Variants in NBEA observed in about 807,000 individuals in gnomAD.
The protein encoded by NBEA is lysosomal-trafficking regulator 2.
In NBEA, 44 loss-of-function variants were observed where a neutral mutation model predicts 343.4. The ratio of observed to expected loss-of-function variants is 0.13; its 90% CI spans 0.10 to 0.16. The LOEUF (loss-of-function observed/expected upper bound fraction) is 0.16, where lower values mean the gene tolerates loss of function less well. Among genes scored for constraint, NBEA ranks in the 10% least tolerant of loss-of-function variants. The pLI, the probability that NBEA is intolerant of heterozygous loss-of-function variation, is 1.00. For synonymous variants in NBEA, 1,175 were observed against 1,238.7 expected (o/e 0.95, Z 1.08); for missense variants, 2,555 against 3,631.3 (o/e 0.70, Z 7.62).
At chr13:35,524,741 C>G (rs56123945) in intron 41 of NBEA, among the ~76,000 whole-genome samples, 12,596 of 152,222 alleles carry the variant, frequency 0.083, 592 homozygotes, top group Non-Finnish European at 0.1. Context: ...ACTAAACTTA[C>G]TGATTTATGT....
At chr13:35,201,348 CAT>C (rs2073007076) in intron 31 of NBEA, among the ~76,000 whole-genome samples, 1 of 151,986 alleles carries the variant, frequency 6.6e-6, no homozygotes, top group Non-Finnish European at 1.5e-5. Flanking sequence ...GTTTCTTAAA[CAT>C]ATTTTTTTAT....
At chr13:35,081,425 T>C (rs117230590) in intron 10 of NBEA, among the ~76,000 whole-genome samples, 4,527 of 152,272 alleles carry the variant, frequency 0.03, 100 homozygotes, top group Non-Finnish European at 0.045. Flanking sequence ...ATGGATTTAC[T>C]TAGCTATCTT....
chr13:35,599,567 T>C (rs2081961105), intron 47 of NBEA, among the ~76,000 whole-genome samples: 1 of 152,224 alleles, frequency 6.6e-6, no homozygotes, highest in Admixed American at 6.5e-5. Context: ...TTGCATGTGG[T>C]AACTGGCTTC....
chr13:35,439,186 G>A (rs2045601965), intron 39 of NBEA, among the ~76,000 whole-genome samples: 1 of 152,134 alleles, frequency 6.6e-6, no homozygotes, highest in Admixed American at 6.5e-5. Flanking sequence ...ACCACATACA[G>A]GAGAGCTCCC....
intron 49 of NBEA, among the ~76,000 whole-genome samples, chr13:35,632,632 A>AG (rs2083504472): frequency 6.6e-6 from 1 of 152,142 alleles, no homozygotes; most frequent in Middle Eastern, 3.4e-3. Flanking sequence ...TTTCAGAGAC[A>AG]GTCTCACTCT....
At chr13:35,352,680 A>G (rs1264340213) in intron 38 of NBEA, among the ~76,000 whole-genome samples, 1 of 152,062 alleles carries the variant, frequency 6.6e-6, no homozygotes, top group African/African-American at 2.4e-5. Flanking sequence ...AACTCTTCCT[A>G]CTTATTAAAT....
At chr13:35,408,271 T>C (rs2043385243) in intron 38 of NBEA, among the ~76,000 whole-genome samples, 1 of 152,206 alleles carries the variant, frequency 6.6e-6, no homozygotes, top group Admixed American at 6.5e-5. Context: ...GGATTTCTTA[T>C]TCAATAAATT....
chr13:35,527,559 G>A (rs986046658), intron 41 of NBEA, among the ~76,000 whole-genome samples: 2 of 152,238 alleles, frequency 1.3e-5, no homozygotes, highest in Non-Finnish European at 1.5e-5. Context: ...GCCCCAAGGC[G>A]GCGGAGGGCT....
At chr13:34,976,373 G>A (rs2060174924) in intron 1 of NBEA, among the ~76,000 whole-genome samples, 1 of 152,082 alleles carries the variant, frequency 6.6e-6, no homozygotes, top group East Asian at 1.9e-4. Context: ...GCTAACCTAC[G>A]AGGACACAAA....
At chr13:35,576,675 C>A (rs1479912202) in intron 45 of NBEA, among the ~76,000 whole-genome samples, 2 of 152,062 alleles carry the variant, frequency 1.3e-5, no homozygotes, top group African/African-American at 4.8e-5. Context: ...GATATACTGT[C>A]ATATATATTC....
intron 34 of NBEA, among the ~76,000 whole-genome samples, chr13:35,246,588 C>T (rs991696237): frequency 4.6e-5 from 7 of 152,148 alleles, no homozygotes; most frequent in African/African-American, 1.4e-4. Context: ...GGCTTCCAGG[C>T]TCCAGGCTGG....
intron 49 of NBEA, among the ~76,000 whole-genome samples, chr13:35,633,758 A>G (rs1376083729): frequency 1.3e-5 from 2 of 152,142 alleles, no homozygotes; most frequent in African/African-American, 4.8e-5. Context: ...TAAAGGCATA[A>G]TTAAATGAAG....
chr13:34,974,007 T>A (rs145045021), intron 1 of NBEA, among the ~76,000 whole-genome samples: 92 of 152,090 alleles, frequency 6.0e-4, no homozygotes, highest in Middle Eastern at 3.4e-3. Context: ...CTGGAGTGGG[T>A]TCATGAAGGG....
intron 32 of NBEA, 45 bp from the exon 33 acceptor site, chr13:35,211,008 A>G (rs939185615): frequency 1.3e-6 from 2 of 1,525,140 alleles, no homozygotes; most frequent in African/African-American, 2.8e-5. Context: ...AAATTTTTTT[A>G]AATAAATTTA....
At chr13:35,508,115 A>G (rs2077140603) in intron 41 of NBEA, among the ~76,000 whole-genome samples, 1 of 152,170 alleles carries the variant, frequency 6.6e-6, no homozygotes, top group African/African-American at 2.4e-5. Context: ...TAATTTGCTT[A>G]AGATCACAGG....
intron 33 of NBEA, among the ~76,000 whole-genome samples, chr13:35,217,414 T>C (rs1593791645): frequency 6.6e-6 from 1 of 151,986 alleles, no homozygotes; most frequent in East Asian, 1.9e-4. Flanking sequence ...AGTTAAGCTT[T>C]TGGTGTCATG....
At chr13:35,625,359 G>A (rs1164245915) in intron 48 of NBEA, among the ~76,000 whole-genome samples, 4 of 152,158 alleles carry the variant, frequency 2.6e-5, no homozygotes, top group Non-Finnish European at 5.9e-5. Context: ...GCTCACATTT[G>A]TAATTCCAGC....
At chr13:35,623,481 C>T (rs570884223) in intron 48 of NBEA, among the ~76,000 whole-genome samples, 22 of 152,132 alleles carry the variant, frequency 1.4e-4, no homozygotes, top group African/African-American at 4.1e-4. Flanking sequence ...GATAAAAAAT[C>T]GACAAGACTT....
At chr13:35,416,701 T>C (rs1428376962) in intron 38 of NBEA, among the ~76,000 whole-genome samples, 2 of 152,196 alleles carry the variant, frequency 1.3e-5, no homozygotes, top group Non-Finnish European at 2.9e-5. Context: ...AATTCTCTCT[T>C]TTTTGTTGTG....
Sources: gnomAD v4.1 joint callset for allele counts (sites outside exome capture counted in the v4.1 genomes callset) on GRCh38, gnomAD v4.1.1 for gene constraint, MANE v1.5 for transcripts, NCBI Gene and HGNC (gene_info 2026-07-23, HGNC 2026-07-21) for gene names.